The following GNAI3 variants were observed in gnomAD, a reference collection of about 807,000 sequenced individuals.
GNAI3 encodes the protein guanine nucleotide-binding protein G(i) subunit alpha-3.
GNAI3 carries 12 observed loss-of-function variants against 41.8 expected under a neutral mutation model. The observed-to-expected ratio is 0.29, with a 90% CI of 0.18 to 0.47. The LOEUF is 0.47. Among genes scored for constraint, GNAI3 ranks in the 20% least tolerant of loss-of-function variants. GNAI3 has a pLI of 1.00. For missense variants in GNAI3, 360 were observed against 429.6 expected (o/e 0.84, Z 1.43); for synonymous variants, 132 against 146.5 (o/e 0.90, Z 0.71).
intron 1 of GNAI3, among the ~76,000 whole-genome samples, chr1:109,561,362 T>G (rs972173528): frequency 6.6e-6 from 1 of 152,314 alleles, no homozygotes; most frequent in South Asian, 2.1e-4. Context: ...CTGTTTTTCC[T>G]TAATGTTGAT....
At chr1:109,559,520 G>A (rs1436478512) in intron 1 of GNAI3, among the ~76,000 whole-genome samples, 1 of 152,182 alleles carries the variant, frequency 6.6e-6, no homozygotes, top group East Asian at 1.9e-4. Flanking sequence ...ATTTTAGCAA[G>A]TTATAAAGGT....
chr1:109,562,882 A>T (rs577330765), intron 1 of GNAI3, among the ~76,000 whole-genome samples: 1 of 152,264 alleles, frequency 6.6e-6, no homozygotes, highest in South Asian at 2.1e-4. Flanking sequence ...TTTGGAGGAC[A>T]TCTGCAGTAT....
intron 1 of GNAI3, among the ~76,000 whole-genome samples, chr1:109,561,052 A>G (rs942099115): frequency 6.6e-6 from 1 of 152,184 alleles, no homozygotes; most frequent in African/African-American, 2.4e-5. Context: ...TTATGTAGGT[A>G]ATGTAGTCCT....
Position 109,599,475 on chromosome 1 carries a change from A to G in GNAI3, c.*7153A>G, listed in dbSNP as rs974756706. ...AATTTGACTATTTTAGATACCTCAT[A>G]TAAGTGGAATCATAGTATTTGTCCT... On this transcript the variant is annotated 3_prime_UTR_variant, in exon 9 of 9. Coordinates refer to ENST00000369851, the MANE Select transcript of GNAI3 (RefSeq NM_006496.4). 1 of 152,250 alleles carries G rather than the reference A, an allele frequency of 6.6e-6. No homozygotes were observed. Among genetic ancestry groups the G allele is most frequent in the South Asian group, 2.1e-4 (1 of 4,836 alleles). 9.4% of individuals were successfully genotyped at this position (152,250 alleles called of 1,614,324 possible).
intron 1 of GNAI3, among the ~76,000 whole-genome samples, chr1:109,550,608 A>G (rs1390679594): frequency 1.3e-5 from 2 of 150,478 alleles, no homozygotes; most frequent in Non-Finnish European, 1.5e-5. Flanking sequence ...ATCTCGTCTC[A>G]CTGCAACCTC....
Position 109,594,249 on chromosome 1 carries a change from A to G in GNAI3, c.*1927A>G, listed in dbSNP as rs1649239983. ...TGTAATATAGGATCCTGGAAATGAG[A>G]CCTGGTGGAATATTATTTTCAACTG... On this transcript the variant is annotated 3_prime_UTR_variant, in exon 9 of 9. Transcript: ENST00000369851. The G allele has an allele frequency of 1.3e-5, 2 of 152,158 alleles. No individual in the cohort carries two copies. Among genetic ancestry groups the G allele is most frequent in the African/African-American group, 2.4e-5 (1 of 41,424 alleles). 9.4% of individuals were successfully genotyped at this position (152,158 alleles called of 1,614,324 possible).
chr1:109,561,010 G>A (rs947555486), intron 1 of GNAI3, among the ~76,000 whole-genome samples: 33 of 152,152 alleles, frequency 2.2e-4, no homozygotes, highest in African/African-American at 4.6e-4. Flanking sequence ...ACAGGGCTTC[G>A]TTTGATATAA....
In GNAI3 at chr1:109,548,697, C is replaced by A. The variant is rs373043112; in HGVS notation, c.-24C>A. 4 of 1,535,084 alleles carry A rather than the reference C, an allele frequency of 2.6e-6. No individual in the cohort carries two copies. Among genetic ancestry groups the A allele is most frequent in the Non-Finnish European group, 3.6e-6 (4 of 1,109,878 alleles). On this transcript the variant is annotated 5_prime_UTR_variant, in exon 1 of 9. Transcript: ENST00000369851. The stretch of plus-strand genomic sequence containing the variant: ...TCCGTGGTGTGAGTGAGTCCGGGCC[C>A]GTGTCCCCTCTCCCGCCGCCGCCAT...
chr1:109,569,980 CT>C (rs1648551064), intron 1 of GNAI3, among the ~76,000 whole-genome samples: 1 of 152,114 alleles, frequency 6.6e-6, no homozygotes, highest in Non-Finnish European at 1.5e-5. Flanking sequence ...TTAATCTCAA[CT>C]TTTCTTAATT....
intron 1 of GNAI3, among the ~76,000 whole-genome samples, chr1:109,554,849 T>TA (rs1648099167): frequency 6.6e-6 from 1 of 152,192 alleles, no homozygotes; most frequent in Non-Finnish European, 1.5e-5. Context: ...GGGTCTTAGA[T>TA]TTAAGTCAGT....
chr1:109,574,709 G>A, intron 3 of GNAI3, among the ~76,000 whole-genome samples: 1 of 152,138 alleles, frequency 6.6e-6, no homozygotes, highest in Non-Finnish European at 1.5e-5. Flanking sequence ...TATGAAGGCA[G>A]GAGATCTTTG....
At chr1:109,571,403 A>T (rs1382246179) in intron 1 of GNAI3, among the ~76,000 whole-genome samples, 1 of 152,204 alleles carries the variant, frequency 6.6e-6, no homozygotes, top group African/African-American at 2.4e-5. Context: ...TGTGAATGCA[A>T]ATTTCAGTTC....
chr1:109,562,981 CTAAA>C, intron 1 of GNAI3, among the ~76,000 whole-genome samples: 1 of 152,098 alleles, frequency 6.6e-6, no homozygotes, highest in East Asian at 1.9e-4. Flanking sequence ...CCCTTTTACT[CTAAA>C]TAAATATAGT....
intron 6 of GNAI3, 33 bp from the exon 7 acceptor site, chr1:109,586,696 C>T (rs1649040045): frequency 6.6e-6 from 10 of 1,514,934 alleles, no homozygotes; most frequent in Non-Finnish European, 9.0e-6. Flanking sequence ...TTACTATTTG[C>T]TACTGACCTA....
At chr1:109,582,662 T>A in intron 5 of GNAI3, 97 bp downstream of exon 5, 3 of 800,392 alleles carry the variant, frequency 3.7e-6, no homozygotes, top group Non-Finnish European at 6.4e-6. Context: ...CTGGGCAGTA[T>A]TCCTTGGTTT....
At chr1:109,575,630 C>G (rs1478803987) in intron 3 of GNAI3, among the ~76,000 whole-genome samples, 1 of 134,864 alleles carries the variant, frequency 7.4e-6, no homozygotes, top group Non-Finnish European at 1.5e-5. Flanking sequence ...CTCCCAGGTT[C>G]AAGCGATTCT....
intron 1 of GNAI3, among the ~76,000 whole-genome samples, chr1:109,573,376 C>G (rs1204687868): frequency 6.6e-6 from 1 of 152,020 alleles, no homozygotes. Flanking sequence ...AATGAATAGA[C>G]CAAAAAATAA....
At position 109,593,084 on chromosome 1, in the gene GNAI3, G is replaced by C. The variant is rs1649210787; in HGVS notation, c.*762G>C. 6.6e-6 allele frequency: 1 copy of C among 152,602 alleles called. No homozygotes were observed. 9.5% of individuals were successfully genotyped at this position (152,602 alleles called of 1,614,324 possible). A position where few individuals can be genotyped will look rare whatever the true frequency, so the allele number is the denominator to read the frequency against. The stretch of plus-strand genomic sequence containing the variant: ...TACCAAATTACTGCTGATGTAGTAT[G>C]ATAAAGTCAGCTTCTTGGATACAGA... On this transcript the variant is annotated 3_prime_UTR_variant, in exon 9 of 9. Coordinates refer to ENST00000369851, the MANE Select transcript of GNAI3 (RefSeq NM_006496.4).
chr1:109,555,963 CGTGTGTGTGTGTGTGTGT>C (rs71069692), intron 1 of GNAI3, among the ~76,000 whole-genome samples: 1 of 144,534 alleles, frequency 6.9e-6, no homozygotes, highest in East Asian at 2.0e-4. Context: ...TGCGTGCGTG[CGTGTGTGTGTGTGTGTGT>C]GTGTGTGTGT....
Sources: gnomAD v4.1 joint callset for allele counts (sites outside exome capture counted in the v4.1 genomes callset) on GRCh38, gnomAD v4.1.1 for gene constraint, MANE v1.5 for transcripts, NCBI Gene and HGNC (gene_info 2026-07-23, HGNC 2026-07-21) for gene names.